The following SEC31A variants were observed in gnomAD, a reference collection of about 807,000 sequenced individuals.
SEC31A encodes the protein SEC31 homolog A, COPII component, also known as protein transport protein Sec31A.
SEC31A carries 70 observed loss-of-function variants against 151.0 expected under a neutral mutation model. The observed-to-expected ratio is 0.46, with a 90% confidence interval of 0.38 to 0.57. SEC31A has a LOEUF of 0.57. Ranked by LOEUF, SEC31A falls within the 20% of genes least tolerant of loss-of-function variation. The pLI, the probability that SEC31A is intolerant of heterozygous loss-of-function variation, is 0.00. For synonymous variants in SEC31A, 475 were observed against 505.9 expected, an observed-to-expected ratio of 0.94 and a Z score of 0.82; for missense variants, 1,330 against 1,471.2, an observed-to-expected ratio of 0.90 and a Z score of 1.57.
chr4:82,869,398 G>C (rs1469407205), intron 8 of SEC31A, among the ~76,000 whole-genome samples: 1 of 151,632 alleles, frequency 6.6e-6, no homozygotes, highest in Non-Finnish European at 1.5e-5. Context: ...CCAAAGTGCT[G>C]GGATTACAGG....
intron 25 of SEC31A, chr4:82,821,432 C>T (rs6828334): frequency 0.48 from 98,815 of 206,598 alleles, 26,724 homozygotes; most frequent in Admixed American, 0.6. Context: ...CCTGTAATCC[C>T]AGCTAGTCGG....
rs372045219 is a variant in SEC31A, at chr4:82,829,241, A to G, written c.2969-183T>C. 1.2e-3 allele frequency: 636 copies of G among 552,912 alleles called. 4 individuals carry two copies. In the South Asian group the frequency reaches 0.015, roughly 13 times the overall value. The allele number at this position is 552,912 out of a possible 1,614,324, so 34.3% of individuals were successfully genotyped here. On this transcript the variant is annotated intron_variant, in intron 22 of 26. Coordinates refer to ENST00000395310, the MANE Select transcript of SEC31A (RefSeq NM_001077207.4). Reference sequence around the variant, plus strand: ...GATTCTCACACTCACATCTCTTAATAGGAACAAGGTCTTCACTTGGTAGGT... The same window carrying G: ...GATTCTCACACTCACATCTCTTAATGGGAACAAGGTCTTCACTTGGTAGGT...
intron 10 of SEC31A, among the ~76,000 whole-genome samples, 180 bp from the exon 11 acceptor site, chr4:82,864,778 G>GTT (rs747994924): frequency 2.1e-5 from 3 of 143,794 alleles, no homozygotes; most frequent in Non-Finnish European, 1.5e-5. Flanking sequence ...TGGTTTTTTG[G>GTT]TTTTTTTTTT....
Position 82,881,847 on chromosome 4 carries a change from T to C in SEC31A, c.79+11A>G. On this transcript the variant is annotated intron_variant, in intron 2 of 26. Transcript: ENST00000395310. ...AGGTAACTCATACTATCTTCTCTCCTTTGAACTTACCTGTTGCTAGGTAAA... is the reference window on the plus strand; with the variant it reads ...AGGTAACTCATACTATCTTCTCTCCCTTGAACTTACCTGTTGCTAGGTAAA... The C allele has an allele frequency of 6.2e-7, 1 of 1,607,378 alleles. No homozygotes were observed. The highest frequency in any genetic ancestry group is 8.5e-7 in the Non-Finnish European group (1 of 1,173,828).
intron 1 of SEC31A, among the ~76,000 whole-genome samples, chr4:82,888,073 CAACA>C (rs1351799495): frequency 1.0e-4 from 12 of 119,864 alleles, no homozygotes; most frequent in Non-Finnish European, 1.6e-4. Flanking sequence ...AAACAAACAA[CAACA>C]AAAAAAACAT....
intron 20 of SEC31A, chr4:82,845,084 G>A: frequency 4.6e-6 from 3 of 650,086 alleles, no homozygotes; most frequent in South Asian, 1.9e-5. Flanking sequence ...AATGCAATGA[G>A]CAGGCAGATG....
chr4:82,841,457 TATATATATATACAC>T (rs1296332040), intron 22 of SEC31A, among the ~76,000 whole-genome samples: 2 of 112,124 alleles, frequency 1.8e-5, no homozygotes, highest in Non-Finnish European at 3.8e-5. Context: ...TATATATATA[TATATATATATACAC>T]ACACACTAAA....
chr4:82,856,923 C>T lies in SEC31A; in HGVS notation c.1881+29G>A, dbSNP rs750193608. ...GTTTTTATAATTAGAAAGATAAATACGTTATTGCTTATTTTTAAAATAACA... is the reference window on the plus strand; with the variant it reads ...GTTTTTATAATTAGAAAGATAAATATGTTATTGCTTATTTTTAAAATAACA... On this transcript the variant is annotated intron_variant, in intron 16 of 26. Coordinates refer to ENST00000395310, the MANE Select transcript of SEC31A (RefSeq NM_001077207.4). The T allele has an allele frequency of 2.9e-5, 45 of 1,559,982 alleles. No individual in the cohort carries two copies. The South Asian group carries it at 3.3e-4, about 12-fold the overall frequency.
At chr4:82,821,895 C>T (rs1723447783) in intron 25 of SEC31A, among the ~76,000 whole-genome samples, 2 of 152,048 alleles carry the variant, frequency 1.3e-5, no homozygotes, top group Non-Finnish European at 2.9e-5. Context: ...TACTTAAACA[C>T]TTAGTTACAT....
At chr4:82,872,603 A>G (rs1240837441) in intron 6 of SEC31A, among the ~76,000 whole-genome samples, 3 of 152,268 alleles carry the variant, frequency 2.0e-5, no homozygotes, top group African/African-American at 7.2e-5. Flanking sequence ...CAATTCATGC[A>G]GCTATTTGAT....
chr4:82,887,075 C>T (rs188586780), intron 1 of SEC31A, among the ~76,000 whole-genome samples: 1 of 152,044 alleles, frequency 6.6e-6, no homozygotes, highest in Non-Finnish European at 1.5e-5. Context: ...ATTCTTAACT[C>T]TTTAAAGGAT....
intron 20 of SEC31A, among the ~76,000 whole-genome samples, chr4:82,847,389 T>C (rs1031089635): frequency 6.6e-6 from 1 of 152,260 alleles, no homozygotes; most frequent in Non-Finnish European, 1.5e-5. Flanking sequence ...ACGATTCACT[T>C]TGTCTTTTCC....
intron 2 of SEC31A, among the ~76,000 whole-genome samples, chr4:82,881,559 CTCT>C (rs1275864158): frequency 5.3e-5 from 8 of 151,930 alleles, no homozygotes; most frequent in African/African-American, 1.9e-4. Flanking sequence ...ATCAAAATTG[CTCT>C]TCATTCATTC....
At chr4:82,827,219 C>T in intron 24 of SEC31A, 150 bp downstream of exon 24, 1 of 835,870 alleles carries the variant, frequency 1.2e-6, no homozygotes, top group South Asian at 1.7e-5. Flanking sequence ...AATATACATA[C>T]ATGATCGATC....
intron 22 of SEC31A, among the ~76,000 whole-genome samples, chr4:82,837,916 A>G (rs1408233267): frequency 1.3e-5 from 2 of 152,228 alleles, no homozygotes; most frequent in Admixed American, 1.3e-4. Flanking sequence ...TAGTGCCAAA[A>G]GCATAGAGAA....
chr4:82,835,149 A>C (rs1726911366), intron 22 of SEC31A, among the ~76,000 whole-genome samples: 1 of 152,102 alleles, frequency 6.6e-6, no homozygotes, highest in Non-Finnish European at 1.5e-5. Flanking sequence ...TCCTGGCCTA[A>C]ACATGACTTT....
At position 82,890,486 on chromosome 4, in the gene SEC31A, C is replaced by A. The variant is rs1742096796; in HGVS notation, c.-5+602G>T. Among the ~76,000 whole-genome samples, 3 of 152,174 alleles carry A rather than the reference C, an allele frequency of 2.0e-5. No individual in the cohort carries two copies. In the South Asian group the frequency reaches 6.2e-4, roughly 32 times the overall value. ...AATTTATAATGCCCACAAGTCCAGG[C>A]AATATTTTGGTTTATTTTACAACAG... On this transcript the variant is annotated intron_variant, in intron 1 of 26. Coordinates refer to ENST00000395310, the MANE Select transcript of SEC31A (RefSeq NM_001077207.4).
intron 22 of SEC31A, among the ~76,000 whole-genome samples, chr4:82,841,467 T>TATATATAC (rs1339344582): frequency 9.7e-6 from 1 of 103,562 alleles, no homozygotes. Context: ...TATATATATA[T>TATATATAC]ACACACACAC....
chr4:82,863,281 A>G, intron 12 of SEC31A, 37 bp downstream of exon 12: 1 of 1,143,796 alleles, frequency 8.7e-7, no homozygotes, highest in South Asian at 1.3e-5. Flanking sequence ...AGTATGATTC[A>G]TAAAGAGCAT....
Sources: gnomAD v4.1 joint callset for allele counts (sites outside exome capture counted in the v4.1 genomes callset) on GRCh38, gnomAD v4.1.1 for gene constraint, MANE v1.5 for transcripts, NCBI Gene and HGNC (gene_info 2026-07-23, HGNC 2026-07-21) for gene names.